The following BRINP1 variants were observed in gnomAD, a reference collection of about 807,000 sequenced individuals.
BRINP1 encodes BMP/retinoic acid-inducible neural-specific protein 1.
In BRINP1, 17 loss-of-function variants were observed where a neutral mutation model predicts 72.9. That is an observed-to-expected ratio of 0.23 (90% CI 0.16 to 0.35). The LOEUF is 0.35. BRINP1 is among the 10% of genes least tolerant of loss of function. BRINP1 has a pLI of 1.00. For missense variants in BRINP1, 850 were observed against 1,001.6 expected, an observed-to-expected ratio of 0.85 and a Z score of 2.04; for synonymous variants, 418 against 378.5, an observed-to-expected ratio of 1.10 and a Z score of -1.21.
intron 7 of BRINP1, among the ~76,000 whole-genome samples, chr9:119,191,717 T>C (rs1044533205): frequency 3.3e-5 from 5 of 151,814 alleles, no homozygotes; most frequent in African/African-American, 1.2e-4. Context: ...TAACAATCCG[T>C]ATAAAAATGT....
chr9:119,241,329 G>C (rs893410734), intron 4 of BRINP1, among the ~76,000 whole-genome samples: 1 of 152,136 alleles, frequency 6.6e-6, no homozygotes, highest in African/African-American at 2.4e-5. Context: ...AAACCACAGA[G>C]TGCCTGTTTT....
chr9:119,224,144 G>A (rs1264448157), intron 5 of BRINP1, among the ~76,000 whole-genome samples: 1 of 151,932 alleles, frequency 6.6e-6, no homozygotes, highest in Non-Finnish European at 1.5e-5. Flanking sequence ...AATATGACAT[G>A]GTTTATGGCC....
At chr9:119,195,077 T>C (rs1383216791) in intron 7 of BRINP1, among the ~76,000 whole-genome samples, 1 of 152,208 alleles carries the variant, frequency 6.6e-6, no homozygotes, top group African/African-American at 2.4e-5. Context: ...TATTAGGTCA[T>C]TTAGCCTTCC....
At chr9:119,292,317 A>G (rs1310208124) in intron 2 of BRINP1, among the ~76,000 whole-genome samples, 2 of 152,172 alleles carry the variant, frequency 1.3e-5, no homozygotes, top group African/African-American at 4.8e-5. Context: ...AATATAATGG[A>G]CGTAGGATAG....
chr9:119,306,520 C>T (rs1451772910), intron 2 of BRINP1, among the ~76,000 whole-genome samples: 1 of 152,142 alleles, frequency 6.6e-6, no homozygotes, highest in Non-Finnish European at 1.5e-5. Flanking sequence ...GAATATGGGC[C>T]ATCATCCCAT....
chr9:119,308,015 G>A (rs1313396602), intron 2 of BRINP1, among the ~76,000 whole-genome samples: 1 of 152,092 alleles, frequency 6.6e-6, no homozygotes, highest in Admixed American at 6.6e-5. Flanking sequence ...AATACCTACT[G>A]CACAGGATTA....
chr9:119,193,130 ATTG>A (rs1412290625), intron 7 of BRINP1, among the ~76,000 whole-genome samples: 2 of 152,080 alleles, frequency 1.3e-5, no homozygotes, highest in South Asian at 2.1e-4. Flanking sequence ...TTATTATTGC[ATTG>A]TTATTTTATT....
At chr9:119,319,592 AT>A (rs1831163782) in intron 1 of BRINP1, among the ~76,000 whole-genome samples, 1 of 152,230 alleles carries the variant, frequency 6.6e-6, no homozygotes, top group Non-Finnish European at 1.5e-5. Flanking sequence ...TGAGAGTCAC[AT>A]TATTGGTATT....
At chr9:119,222,638 AC>A (rs1830051373) in intron 5 of BRINP1, among the ~76,000 whole-genome samples, 1 of 152,140 alleles carries the variant, frequency 6.6e-6, no homozygotes, top group African/African-American at 2.4e-5. Flanking sequence ...AAAGGCAAGG[AC>A]ACAATCCTTG....
At chr9:119,181,624 C>T (rs553575535) in intron 7 of BRINP1, among the ~76,000 whole-genome samples, 2 of 152,256 alleles carry the variant, frequency 1.3e-5, no homozygotes, top group South Asian at 4.1e-4. Flanking sequence ...AATAACTATG[C>T]TTTATAAATG....
At chr9:119,170,227 C>T (rs1382024262) in intron 7 of BRINP1, among the ~76,000 whole-genome samples, 2 of 151,706 alleles carry the variant, frequency 1.3e-5, no homozygotes, top group Non-Finnish European at 2.9e-5. Context: ...AAGTTGAAAA[C>T]TTTAAAAAAA....
At chr9:119,288,735 T>C (rs1830791943) in intron 2 of BRINP1, among the ~76,000 whole-genome samples, 1 of 152,196 alleles carries the variant, frequency 6.6e-6, no homozygotes, top group South Asian at 2.1e-4. Flanking sequence ...CTGAATTAAA[T>C]GAAAATAGGT....
intron 7 of BRINP1, among the ~76,000 whole-genome samples, chr9:119,172,901 T>A (rs1489987037): frequency 6.6e-6 from 1 of 151,028 alleles, no homozygotes; most frequent in East Asian, 1.9e-4. Flanking sequence ...TCTCCATAGA[T>A]GCAGAAAAAG....
chr9:119,237,974 C>G (rs1480914894), intron 5 of BRINP1, among the ~76,000 whole-genome samples: 1 of 152,042 alleles, frequency 6.6e-6, no homozygotes, highest in African/African-American at 2.4e-5. Flanking sequence ...TTTATTATCT[C>G]TTTAAATTAT....
intron 2 of BRINP1, among the ~76,000 whole-genome samples, chr9:119,292,741 G>A (rs1830833876): frequency 6.6e-6 from 1 of 152,154 alleles, no homozygotes; most frequent in Non-Finnish European, 1.5e-5. Flanking sequence ...AGAGGTGATG[G>A]ACAAAAGTCT....
chr9:119,231,678 C>A (rs1830150103), intron 5 of BRINP1, among the ~76,000 whole-genome samples: 1 of 152,002 alleles, frequency 6.6e-6, no homozygotes, highest in African/African-American at 2.4e-5. Context: ...ATACTATTAG[C>A]AGTATTTGAC....
intron 2 of BRINP1, among the ~76,000 whole-genome samples, chr9:119,288,391 T>C (rs1474528441): frequency 1.3e-5 from 2 of 152,216 alleles, no homozygotes; most frequent in African/African-American, 4.8e-5. Flanking sequence ...TATGATGTAA[T>C]GTATGCAAAA....
chr9:119,330,056 C>T (rs573416790), intron 1 of BRINP1, among the ~76,000 whole-genome samples: 2 of 152,182 alleles, frequency 1.3e-5, no homozygotes, highest in East Asian at 1.9e-4. Flanking sequence ...TTATTTCCCA[C>T]ACAGAAGCAC....
intron 3 of BRINP1, among the ~76,000 whole-genome samples, chr9:119,247,765 TTACTAGCTG>T (rs982958400): frequency 2.0e-5 from 3 of 151,986 alleles, no homozygotes; most frequent in African/African-American, 7.2e-5. Flanking sequence ...GCTTTATCAC[TTACTAGCTG>T]TACTTCTTCT....
Sources: allele counts gnomAD v4.1 joint callset (sites outside exome capture counted in the v4.1 genomes callset), GRCh38; gene constraint gnomAD v4.1.1; transcripts MANE v1.5; gene names NCBI Gene and HGNC (gene_info 2026-07-23, HGNC 2026-07-21).